Variants in FRMD4B observed in about 807,000 individuals in gnomAD.
FRMD4B encodes FERM domain containing 4B, also known as FERM domain-containing protein 4B.
A neutral mutation model predicts 141.5 loss-of-function variants in FRMD4B; 74 were observed. That is an observed-to-expected ratio of 0.52 (90% CI 0.43 to 0.63). The LOEUF (loss-of-function observed/expected upper bound fraction) is 0.63. Ranked by LOEUF, FRMD4B falls within the 30% of genes least tolerant of loss-of-function variation. The pLI is 0.00. For missense variants in FRMD4B, 1,366 were observed against 1,253.4 expected, an observed-to-expected ratio of 1.09 and a Z score of -1.36; for synonymous variants, 506 against 467.9, an observed-to-expected ratio of 1.08 and a Z score of -1.05.
At chr3:69,212,901 A>T (rs953517886) in intron 11 of FRMD4B, among the ~76,000 whole-genome samples, 1 of 152,230 alleles carries the variant, frequency 6.6e-6, no homozygotes, top group Non-Finnish European at 1.5e-5. Flanking sequence ...AGTGAGGTCT[A>T]CCTTAAGAAA....
chr3:69,338,612 T>C (rs547950963), intron 1 of FRMD4B, among the ~76,000 whole-genome samples: 1 of 152,248 alleles, frequency 6.6e-6, no homozygotes, highest in African/African-American at 2.4e-5. Context: ...TGTTTTCACC[T>C]GTAAGTGGGA....
intron 5 of FRMD4B, among the ~76,000 whole-genome samples, chr3:69,253,099 T>G (rs572820051): frequency 3.9e-5 from 6 of 152,124 alleles, no homozygotes; most frequent in African/African-American, 1.4e-4. Flanking sequence ...TGAGGTGAAT[T>G]CTAGGTTTTG....
At chr3:69,503,365 A>T (rs1041716911) in intron 1 of FRMD4B, among the ~76,000 whole-genome samples, 1 of 152,070 alleles carries the variant, frequency 6.6e-6, no homozygotes, top group Non-Finnish European at 1.5e-5. Flanking sequence ...ATAAAGAAGG[A>T]TGAGTTCATG....
At chr3:69,480,324 C>T (rs901437182) in intron 1 of FRMD4B, among the ~76,000 whole-genome samples, 1 of 152,130 alleles carries the variant, frequency 6.6e-6, no homozygotes, top group Non-Finnish European at 1.5e-5. Flanking sequence ...TGTTTTTTCC[C>T]CATCTTTGTG....
intron 2 of FRMD4B, among the ~76,000 whole-genome samples, chr3:69,396,964 G>A (rs1362048192): frequency 1.3e-5 from 2 of 152,096 alleles, no homozygotes. Context: ...TTTAAAATGT[G>A]ATATATCCAT....
chr3:69,217,926 T>C (rs1164199586), intron 10 of FRMD4B, among the ~76,000 whole-genome samples: 1 of 152,156 alleles, frequency 6.6e-6, no homozygotes, highest in Admixed American at 6.5e-5. Flanking sequence ...CATCTGAAAA[T>C]ACAGTGTATG....
chr3:69,381,534 T>A (rs557057473), intron 1 of FRMD4B, among the ~76,000 whole-genome samples: 1 of 152,166 alleles, frequency 6.6e-6, no homozygotes, highest in Middle Eastern at 3.2e-3. Flanking sequence ...ATCAACAAGA[T>A]CATCTAAAAT....
chr3:69,286,563 C>T (rs1700695747), intron 5 of FRMD4B, among the ~76,000 whole-genome samples: 1 of 152,128 alleles, frequency 6.6e-6, no homozygotes, highest in South Asian at 2.1e-4. Flanking sequence ...ATAACATGCT[C>T]AATAACCCTA....
chr3:69,412,745 G>A (rs1327425143), intron 2 of FRMD4B, among the ~76,000 whole-genome samples: 1 of 151,772 alleles, frequency 6.6e-6, no homozygotes. Context: ...CATTGGAAAG[G>A]GTTAATTCGT....
chr3:69,349,102 G>C (rs927797445), intron 1 of FRMD4B, among the ~76,000 whole-genome samples: 21 of 152,218 alleles, frequency 1.4e-4, no homozygotes, highest in African/African-American at 4.8e-4. Flanking sequence ...ATCTCCTTAA[G>C]CTGATAAGCA....
intron 1 of FRMD4B, among the ~76,000 whole-genome samples, chr3:69,448,253 C>A (rs568161096): frequency 6.6e-6 from 1 of 152,212 alleles, no homozygotes; most frequent in East Asian, 1.9e-4. Flanking sequence ...TGGTCTCGAA[C>A]GCCTGACCTC....
intron 1 of FRMD4B, among the ~76,000 whole-genome samples, chr3:69,449,773 G>A (rs905870758): frequency 6.6e-6 from 1 of 152,066 alleles, no homozygotes; most frequent in Non-Finnish European, 1.5e-5. Context: ...CAGGTTCAAT[G>A]CAGAAATTTT....
chr3:69,520,185 G>A lies in FRMD4B; in HGVS notation c.-129+22021C>T, dbSNP rs372494429. Reference sequence around the variant, plus strand: ...TATATATATGATGGAATATATATATGATGGAATATATATATGATGGAATAT... The same window carrying A: ...TATATATATGATGGAATATATATATAATGGAATATATATATGATGGAATAT... On this transcript the variant is annotated intron_variant, in intron 1 of 5. Transcript: ENST00000459638. 2.5e-4 allele frequency among the ~76,000 whole-genome samples: 26 copies of A among 103,690 alleles called. 1 individual carries two copies. Among genetic ancestry groups the A allele is most frequent in the African/African-American group, 1.2e-3 (23 of 19,934 alleles). 68.0% of individuals were successfully genotyped at this position (103,690 alleles called of 152,430 possible). A position where few individuals can be genotyped will look rare whatever the true frequency, so the allele number is the denominator to read the frequency against.
intron 7 of FRMD4B, among the ~76,000 whole-genome samples, chr3:69,230,519 G>C (rs79837988): frequency 0.029 from 4,459 of 152,004 alleles, 173 homozygotes; most frequent in East Asian, 0.09. Context: ...GCTCAGGTGG[G>C]TGGATCACCT....
In FRMD4B at chr3:69,536,446, T is replaced by C. The variant is rs376266077; in HGVS notation, c.-129+5760A>G. The C allele has an allele frequency of 1.3e-5, 9 of 705,958 alleles. No individual in the cohort carries two copies. In the African/African-American group the frequency reaches 1.6e-4, roughly 12 times the overall value. The allele number at this position is 705,958 out of a possible 1,614,324, so 43.7% of individuals were successfully genotyped here. The stretch of plus-strand genomic sequence containing the variant: ...GAAGCGGAGGACGTCCACCGTTGGG[T>C]ACTTGTGCAGGATGTAGAGCTTGAC... On this transcript the variant is annotated intron_variant, in intron 1 of 5. Coordinates refer to the FRMD4B transcript ENST00000459638.
intron 7 of FRMD4B, among the ~76,000 whole-genome samples, chr3:69,245,792 T>C (rs2093421177): frequency 6.6e-6 from 1 of 150,638 alleles, no homozygotes; most frequent in Non-Finnish European, 1.5e-5. Context: ...GCCTTCCAAG[T>C]AGCTGGGACT....
intron 1 of FRMD4B, among the ~76,000 whole-genome samples, chr3:69,378,014 T>C (rs1575776516): frequency 7.1e-6 from 1 of 141,428 alleles, no homozygotes; most frequent in Non-Finnish European, 1.5e-5. Flanking sequence ...AGAGATGGGG[T>C]TTTGCCATAT....
At chr3:69,314,843 G>GA (rs1236696133) in intron 1 of FRMD4B, among the ~76,000 whole-genome samples, 13 of 150,502 alleles carry the variant, frequency 8.6e-5, no homozygotes, top group African/African-American at 2.9e-4. Flanking sequence ...CCAAAAAAAA[G>GA]AAAAAAAAAG....
intron 1 of FRMD4B, among the ~76,000 whole-genome samples, chr3:69,462,861 T>C (rs1436787797): frequency 1.3e-5 from 2 of 152,162 alleles, no homozygotes; most frequent in Non-Finnish European, 2.9e-5. Flanking sequence ...CTCAGAAGCA[T>C]AATAATTTCA....
Sources: gnomAD v4.1 joint callset for allele counts (sites outside exome capture counted in the v4.1 genomes callset) on GRCh38, gnomAD v4.1.1 for gene constraint, MANE v1.5 for transcripts, NCBI Gene and HGNC (gene_info 2026-07-23, HGNC 2026-07-21) for gene names.